PIGK: variants seen among roughly 807,000 people sequenced by gnomAD.
PIGK encodes the protein phosphatidylinositol glycan anchor biosynthesis class K.
PIGK carries 42 observed loss-of-function variants against 50.6 expected under a neutral mutation model. That is an observed-to-expected ratio of 0.83 (90% CI 0.65 to 1.07). The LOEUF (loss-of-function observed/expected upper bound fraction) is 1.07, where lower values mean the gene tolerates loss of function less well. Among genes scored for constraint, PIGK ranks in the 50% least tolerant of loss-of-function variants. The pLI, the probability that PIGK is intolerant of heterozygous loss-of-function variation, is 0.00. For synonymous variants in PIGK, 151 were observed against 156.0 expected (o/e 0.97, Z 0.24); for missense variants, 448 against 488.7 (o/e 0.92, Z 0.78).
At chr1:77,162,619 C>T (rs1002148443) in intron 6 of PIGK, among the ~76,000 whole-genome samples, 1 of 152,094 alleles carries the variant, frequency 6.6e-6, no homozygotes, top group South Asian at 2.1e-4. Context: ...GCACAATAAG[C>T]TGGCTAGCTG....
intron 9 of PIGK, chr1:77,129,731 A>G: frequency 2.0e-6 from 2 of 981,748 alleles, no homozygotes; most frequent in Non-Finnish European, 2.8e-6. Context: ...ATAAATAAAT[A>G]AATAAATATT....
In PIGK at chr1:77,163,891, T is replaced by C. The variant is rs1482710646; in HGVS notation, c.539A>G (p.Asn180Ser). 6.2e-7 allele frequency: 1 copy of C among 1,610,026 alleles called. No individual in the cohort carries two copies. Among genetic ancestry groups the C allele is most frequent in the East Asian group, 2.2e-5 (1 of 44,672 alleles). ...LKFQDSEEIT[N>S]IELADAFEQM... Reference sequence around the variant, plus strand: ...TTCAAAAGCATCCGCGAGTTCTATGTTGGTAATTTCTTCAGAATCTTGAAA... The same window carrying C: ...TTCAAAAGCATCCGCGAGTTCTATGCTGGTAATTTCTTCAGAATCTTGAAA... The change falls in exon 6 of 11, where the codon AAC becomes AGC. Residue 180 changes from asparagine to serine, a missense_variant. Asn to Ser is a conservative substitution (Grantham distance 46). Transcript: ENST00000370812.
intron 10 of PIGK, among the ~76,000 whole-genome samples, chr1:77,094,660 C>T (rs1197546283): frequency 6.6e-6 from 1 of 152,170 alleles, no homozygotes; most frequent in Admixed American, 6.6e-5. Flanking sequence ...TTAAACTTAG[C>T]AGCCAGAAAC....
At chr1:77,163,972 A>T in intron 5 of PIGK, 30 bp from the exon 6 acceptor site, 1 of 1,245,602 alleles carries the variant, frequency 8.0e-7, no homozygotes. Context: ...AGATCAATAG[A>T]TTTTTTAATG....
At chr1:77,155,346 G>GAA (rs1443218209) in intron 8 of PIGK, among the ~76,000 whole-genome samples, 2 of 152,164 alleles carry the variant, frequency 1.3e-5, no homozygotes, top group Admixed American at 6.5e-5. Context: ...CCATGTCAGT[G>GAA]AATTACCAAG....
At chr1:77,215,368 T>C (rs2100591385) in intron 1 of PIGK, among the ~76,000 whole-genome samples, 1 of 152,150 alleles carries the variant, frequency 6.6e-6, no homozygotes, top group South Asian at 2.1e-4. Flanking sequence ...AAAACCACAA[T>C]GAGATATCAT....
chr1:77,103,707 G>A (rs1230660030), intron 10 of PIGK, among the ~76,000 whole-genome samples: 1 of 152,142 alleles, frequency 6.6e-6, no homozygotes, highest in African/African-American at 2.4e-5. Flanking sequence ...TAGAATTCAG[G>A]GAGGTTTAGG....
At chr1:77,145,330 A>C (rs1654744764) in intron 9 of PIGK, among the ~76,000 whole-genome samples, 1 of 152,044 alleles carries the variant, frequency 6.6e-6, no homozygotes, top group Admixed American at 6.5e-5. Flanking sequence ...AAATAAAAAA[A>C]TAAAAAGCCT....
intron 10 of PIGK, among the ~76,000 whole-genome samples, chr1:77,116,583 T>C (rs914538921): frequency 9.4e-6 from 1 of 105,916 alleles, no homozygotes; most frequent in Non-Finnish European, 1.8e-5. Flanking sequence ...TGTGTGTGTG[T>C]GTGTGTGTGT....
intron 10 of PIGK, among the ~76,000 whole-genome samples, chr1:77,112,984 C>T (rs1653887546): frequency 6.6e-6 from 1 of 152,032 alleles, no homozygotes; most frequent in African/African-American, 2.4e-5. Flanking sequence ...CTATGTGATA[C>T]ATTTTGGCAT....
At chr1:77,188,602 C>T (rs1047935090) in intron 3 of PIGK, among the ~76,000 whole-genome samples, 1 of 152,130 alleles carries the variant, frequency 6.6e-6, no homozygotes. Flanking sequence ...TATTCTATTA[C>T]CCTGTTAAGT....
intron 8 of PIGK, among the ~76,000 whole-genome samples, chr1:77,155,674 A>G (rs897251840): frequency 1.3e-5 from 2 of 152,146 alleles, no homozygotes; most frequent in African/African-American, 4.8e-5. Context: ...GAGCAGTTGC[A>G]GAGACGTGCA....
chr1:77,212,756 T>A (rs543126403), intron 1 of PIGK, among the ~76,000 whole-genome samples: 1 of 152,222 alleles, frequency 6.6e-6, no homozygotes, highest in Admixed American at 6.5e-5. Flanking sequence ...CAAGAGAGCA[T>A]ACAATTATAA....
intron 3 of PIGK, among the ~76,000 whole-genome samples, chr1:77,197,766 A>C (rs1656068999): frequency 6.6e-6 from 1 of 152,294 alleles, no homozygotes; most frequent in Admixed American, 6.5e-5. Flanking sequence ...ATTCTGAAAC[A>C]CTATTAACTG....
intron 5 of PIGK, among the ~76,000 whole-genome samples, chr1:77,165,760 C>A (rs537304665): frequency 1.5e-4 from 23 of 152,070 alleles, no homozygotes; most frequent in African/African-American, 5.5e-4. Context: ...AAGTCCAGAC[C>A]AGCCAAGGAG....
chr1:77,136,371 T>C (rs1164881957), intron 9 of PIGK, among the ~76,000 whole-genome samples: 2 of 151,036 alleles, frequency 1.3e-5, no homozygotes, highest in Non-Finnish European at 2.9e-5. Flanking sequence ...CTACTAAAAA[T>C]ACAAAAAATT....
intron 6 of PIGK, among the ~76,000 whole-genome samples, chr1:77,162,805 A>G (rs1655158276): frequency 1.3e-5 from 2 of 152,150 alleles, no homozygotes; most frequent in South Asian, 4.1e-4. Flanking sequence ...CTGTGGCAAA[A>G]TATGTGGAGG....
chr1:77,219,324 C>T lies in PIGK; in HGVS notation c.79G>A (p.Ala27Thr), dbSNP rs149699790. ...VLLLSFGSVA[A>T]SHIEDQAEQF... ...CTGACTCCTACCTCGATATGACTAG[C>T]GGCCACGCTGCCGAAGGACAAGAGC... Residue 27 changes from alanine to threonine, a missense_variant, in exon 1 of 11, where the codon GCT (alanine) becomes ACT (threonine). Ala to Thr is a moderately conservative substitution (Grantham distance 58, BLOSUM62 0). Transcript: ENST00000370812. 4.3e-6 allele frequency: 7 copies of T among 1,613,316 alleles called. No individual in the cohort carries two copies. The African/African-American group carries it at 9.3e-5, about 22-fold the overall frequency.
chr1:77,112,243 T>TTTTTTTTTTTTTTTTTTTTTTG (rs1390728827), intron 10 of PIGK, among the ~76,000 whole-genome samples: 2 of 151,596 alleles, frequency 1.3e-5, no homozygotes, highest in African/African-American at 2.4e-5. Flanking sequence ...TCTTAACTCT[T>TTTTTTTTTTTTTTTTTTTTTTG]ATCAGGAAGC....
Sources: gnomAD v4.1 joint callset for allele counts (sites outside exome capture counted in the v4.1 genomes callset) on GRCh38, gnomAD v4.1.1 for gene constraint, MANE v1.5 for transcripts, NCBI Gene and HGNC (gene_info 2026-07-23, HGNC 2026-07-21) for gene names.